PARD3: variants seen among roughly 807,000 people sequenced by gnomAD.
The protein encoded by PARD3 is par-3 family cell polarity regulator, also known as partitioning defective 3 homolog.
A neutral mutation model predicts 155.4 loss-of-function variants in PARD3; 75 were observed. The observed-to-expected ratio is 0.48, with a 90% CI of 0.40 to 0.58. PARD3 has a LOEUF of 0.58. Among genes scored for constraint, PARD3 ranks in the 20% least tolerant of loss-of-function variants. The pLI is 0.00. For missense variants in PARD3, 1,642 were observed against 1,721.7 expected, an observed-to-expected ratio of 0.95 and a Z score of 0.82; for synonymous variants, 576 against 610.5, an observed-to-expected ratio of 0.94 and a Z score of 0.83.
intron 22 of PARD3, among the ~76,000 whole-genome samples, chr10:34,229,020 G>GA (rs1952771692): frequency 6.6e-6 from 1 of 152,010 alleles, no homozygotes; most frequent in Non-Finnish European, 1.5e-5. Flanking sequence ...GGCTGATGAG[G>GA]ACATCATAAC....
intron 19 of PARD3, among the ~76,000 whole-genome samples, chr10:34,325,762 G>T (rs1160786839): frequency 6.6e-6 from 1 of 152,030 alleles, no homozygotes; most frequent in East Asian, 1.9e-4. Context: ...CTGAGAATTA[G>T]AAGATACGCA....
intron 1 of PARD3, among the ~76,000 whole-genome samples, chr10:34,757,337 G>A (rs1230049653): frequency 6.6e-6 from 1 of 152,192 alleles, no homozygotes; most frequent in African/African-American, 2.4e-5. Context: ...ACTGTGAGGT[G>A]TGACATGCTA....
chr10:34,408,933 C>T (rs962564577), intron 5 of PARD3, among the ~76,000 whole-genome samples: 1 of 152,024 alleles, frequency 6.6e-6, no homozygotes, highest in East Asian at 1.9e-4. Flanking sequence ...CAGTTTTAGA[C>T]AAAGTCCAGT....
chr10:34,263,104 A>G (rs74555372), intron 22 of PARD3, among the ~76,000 whole-genome samples: 3 of 152,340 alleles, frequency 2.0e-5, no homozygotes, highest in East Asian at 1.9e-4. Context: ...ATTGATTTCA[A>G]TTTCATTCCT....
At chr10:34,697,512 T>C (rs2094196914) in intron 1 of PARD3, among the ~76,000 whole-genome samples, 1 of 151,994 alleles carries the variant, frequency 6.6e-6, no homozygotes, top group Non-Finnish European at 1.5e-5. Context: ...ATTAAGAAGC[T>C]CTCCAAGTCC....
At chr10:34,593,291 C>T (rs1376647032) in intron 2 of PARD3, among the ~76,000 whole-genome samples, 1 of 152,134 alleles carries the variant, frequency 6.6e-6, no homozygotes, top group East Asian at 1.9e-4. Flanking sequence ...ATCTGTGATT[C>T]CATGTCTACA....
intron 22 of PARD3, among the ~76,000 whole-genome samples, chr10:34,229,921 G>T (rs1263163755): frequency 6.6e-6 from 1 of 152,040 alleles, no homozygotes. Flanking sequence ...AGTCTTAAGT[G>T]AGAACTATTC....
chr10:34,184,399 G>A (rs1950394791), intron 22 of PARD3, among the ~76,000 whole-genome samples: 1 of 152,102 alleles, frequency 6.6e-6, no homozygotes. Context: ...ACTCTGTCAA[G>A]AATCACTTGC....
intron 10 of PARD3, 51 bp from the exon 11 acceptor site, chr10:34,375,053 AACAC>A (rs35263377): frequency 0.071 from 54,836 of 772,752 alleles, 206 homozygotes; most frequent in East Asian, 0.12. Context: ...ACAACAGGAA[AACAC>A]ACACACACAC....
chr10:34,312,960 T>C (rs1319218007), intron 20 of PARD3, among the ~76,000 whole-genome samples: 2 of 152,222 alleles, frequency 1.3e-5, no homozygotes, highest in South Asian at 2.1e-4. Context: ...CAATACAGTA[T>C]TTTATTATCT....
intron 1 of PARD3, among the ~76,000 whole-genome samples, chr10:34,741,198 T>A (rs1564568347): frequency 6.8e-6 from 1 of 147,996 alleles, no homozygotes; most frequent in Non-Finnish European, 1.5e-5. Flanking sequence ...TTTTTTTGTT[T>A]GAGAGAGAGT....
At chr10:34,696,456 T>C (rs1364786094) in intron 1 of PARD3, 37 bp from the exon 2 acceptor site, 1 of 1,231,032 alleles carries the variant, frequency 8.1e-7, no homozygotes, top group African/African-American at 1.5e-5. Flanking sequence ...TATAGCAAGT[T>C]AGCATCACCA....
intron 2 of PARD3, among the ~76,000 whole-genome samples, chr10:34,599,414 A>G (rs1221956596): frequency 6.6e-6 from 1 of 152,194 alleles, no homozygotes; most frequent in Non-Finnish European, 1.5e-5. Flanking sequence ...GAACAGTTCA[A>G]TTCCACTCAT....
At chr10:34,145,219 ATATTTTT>A (rs1402161704) in intron 22 of PARD3, among the ~76,000 whole-genome samples, 49 of 53,510 alleles carry the variant, frequency 9.2e-4, no homozygotes, top group African/African-American at 1.4e-3. Context: ...ATATATATAT[ATATTTTT>A]TTTTTTTTTT....
chr10:34,776,634 T>C (rs994000665), intron 1 of PARD3, among the ~76,000 whole-genome samples: 1 of 151,718 alleles, frequency 6.6e-6, no homozygotes, highest in East Asian at 1.9e-4. Context: ...AAGCTACAGA[T>C]AGAATACAGC....
intron 20 of PARD3, among the ~76,000 whole-genome samples, chr10:34,313,958 GA>G (rs1334854545): frequency 6.6e-6 from 1 of 152,164 alleles, no homozygotes; most frequent in Non-Finnish European, 1.5e-5. Context: ...AAGATAGAAA[GA>G]AAAGGATCAC....
At chr10:34,429,812 C>T (rs985351590) in intron 5 of PARD3, among the ~76,000 whole-genome samples, 1 of 152,160 alleles carries the variant, frequency 6.6e-6, no homozygotes, top group Non-Finnish European at 1.5e-5. Context: ...ATCTCAAACT[C>T]CTGACCTTGT....
intron 22 of PARD3, among the ~76,000 whole-genome samples, chr10:34,258,212 A>G (rs1158101814): frequency 1.3e-5 from 2 of 152,190 alleles, no homozygotes; most frequent in African/African-American, 4.8e-5. Flanking sequence ...ACATGGTCAT[A>G]TTTTGTTTCA....
At chr10:34,666,816 T>TACACACAC (rs1554804682) in intron 2 of PARD3, among the ~76,000 whole-genome samples, 10 of 88,802 alleles carry the variant, frequency 1.1e-4, no homozygotes, top group African/African-American at 4.2e-4. Context: ...TATATATATA[T>TACACACAC]ACACACACAC....
Sources: allele counts gnomAD v4.1 joint callset (sites outside exome capture counted in the v4.1 genomes callset), GRCh38; gene constraint gnomAD v4.1.1; transcripts MANE v1.5; gene names NCBI Gene and HGNC (gene_info 2026-07-23, HGNC 2026-07-21).